Variants in TXLNB observed in about 807,000 individuals in gnomAD.
TXLNB encodes the protein beta-taxilin.
In TXLNB, 37 loss-of-function variants were observed where a neutral mutation model predicts 57.4. The observed-to-expected ratio is 0.64, with a 90% confidence interval of 0.50 to 0.85. The LOEUF (loss-of-function observed/expected upper bound fraction) is 0.85. TXLNB is among the 40% of genes least tolerant of loss of function. TXLNB has a pLI of 0.00. For missense variants in TXLNB, 848 were observed against 825.6 expected (o/e 1.03, Z -0.33); for synonymous variants, 302 against 309.6 (o/e 0.98, Z 0.26).
At chr6:139,231,967 C>G in the TXLNB span, among the ~76,000 whole-genome samples, 1 of 152,176 alleles carries the variant, frequency 6.6e-6, no homozygotes, top group African/African-American at 2.4e-5. Context: ...TTACAATAGT[C>G]TGACTGTGAG....
the TXLNB span, chr6:139,166,390 C>T: frequency 6.2e-7 from 1 of 1,614,228 alleles, no homozygotes; most frequent in Non-Finnish European, 8.5e-7. Context: ...GCCCCTGCAG[C>T]ACCTGGATGC....
chr6:139,302,768 G>A, the TXLNB span, among the ~76,000 whole-genome samples: 2 of 151,576 alleles, frequency 1.3e-5, no homozygotes, highest in Non-Finnish European at 2.9e-5. Flanking sequence ...TGGGCAACAA[G>A]AGTGAAACTA....
At chr6:139,237,223 C>A (rs1273776177), downstream of TXLNB, among the ~76,000 whole-genome samples, 1 of 151,760 alleles carries the variant, frequency 6.6e-6, no homozygotes, top group Admixed American at 6.6e-5. Flanking sequence ...GTATATTGGC[C>A]GGGTGCAGTG....
upstream of TXLNB, among the ~76,000 whole-genome samples, chr6:139,295,921 C>A (rs764176060): frequency 6.6e-6 from 1 of 152,142 alleles, no homozygotes; most frequent in East Asian, 1.9e-4. Context: ...TCCCAAACAG[C>A]GTAAGAGGCC....
At chr6:139,192,321 T>A in the TXLNB span, among the ~76,000 whole-genome samples, 2 of 152,210 alleles carry the variant, frequency 1.3e-5, no homozygotes, top group African/African-American at 4.8e-5. Flanking sequence ...TCTTTAAAGC[T>A]ATTAATCAAA....
At chr6:139,181,856 C>A in the TXLNB span, among the ~76,000 whole-genome samples, 3 of 152,130 alleles carry the variant, frequency 2.0e-5, no homozygotes, top group Non-Finnish European at 4.4e-5. Context: ...GACTTCTAAC[C>A]ATTTTGGTTT....
chr6:139,266,119 A>T (rs1776609088), intron 4 of TXLNB, among the ~76,000 whole-genome samples: 1 of 152,216 alleles, frequency 6.6e-6, no homozygotes, highest in Admixed American at 6.5e-5. Flanking sequence ...TAAAAAAATA[A>T]AAACTATTCA....
At chr6:139,250,013 GT>G (rs906275616) in intron 7 of TXLNB, among the ~76,000 whole-genome samples, 14 of 148,484 alleles carry the variant, frequency 9.4e-5, no homozygotes, top group Non-Finnish European at 1.3e-4. Context: ...GTTTACTGTG[GT>G]TTTTTTTTTC....
intron 5 of TXLNB, among the ~76,000 whole-genome samples, chr6:139,262,250 G>T (rs2114519231): frequency 6.6e-6 from 1 of 152,204 alleles, no homozygotes; most frequent in South Asian, 2.1e-4. Flanking sequence ...TTCTTAAGAG[G>T]GAGTGCGTGA....
In TXLNB at chr6:139,283,075, G is replaced by A. The variant is rs1011526367; in HGVS notation, c.424+5401C>T. 5.5e-5 allele frequency: 8 copies of A among 145,258 alleles called. 2 individuals are homozygous for A. The highest frequency in any genetic ancestry group is 1.8e-4 in the African/African-American group (7 of 39,382). The allele number at this position is 145,258 out of a possible 1,614,324, so 9.0% of individuals were successfully genotyped here. ...AACTTGGCATGGTGCCGCATAATGG[G>A]AAATCTGTTTTCATTTCTTTCATTT... On this transcript the variant is annotated intron_variant, in intron 2 of 9. Transcript: ENST00000358430.
intron 6 of TXLNB, among the ~76,000 whole-genome samples, chr6:139,257,638 C>G (rs1776378408): frequency 6.6e-6 from 1 of 152,050 alleles, no homozygotes; most frequent in Admixed American, 6.6e-5. Context: ...TCTGGCTAGT[C>G]AGTCTGGAGG....
At chr6:139,179,704 G>A in the TXLNB span, 1 of 152,098 alleles carries the variant, frequency 6.6e-6, no homozygotes, top group South Asian at 2.1e-4. Context: ...GAAATCTACT[G>A]ACCTTAATAC....
rs1242674822 is a variant in TXLNB at position 139,281,580 on chromosome 6, G to A, written c.425-4659C>T. ...TTTTTTTTTTTTGAGACGGAGTCTC[G>A]CTCTGTCGCCCAGGCTGGAGTGCAG... On this transcript the variant is annotated intron_variant, in intron 2 of 9. Coordinates refer to ENST00000358430, the MANE Select transcript of TXLNB (RefSeq NM_153235.4). 3.3e-3 allele frequency among the ~76,000 whole-genome samples: 260 copies of A among 77,728 alleles called. 40 individuals are homozygous for A. The highest frequency in any genetic ancestry group is 3.9e-3 in the Non-Finnish European group (194 of 49,298). The allele number at this position is 77,728 out of a possible 152,430, so 51.0% of individuals were successfully genotyped here.
chr6:139,253,433 T>A (rs1299330958), intron 7 of TXLNB, among the ~76,000 whole-genome samples: 1 of 152,188 alleles, frequency 6.6e-6, no homozygotes, highest in Non-Finnish European at 1.5e-5. Context: ...CGCTGAAAAG[T>A]CATAGGCCTC....
the TXLNB span, among the ~76,000 whole-genome samples, chr6:139,212,861 A>G: frequency 3.9e-5 from 6 of 152,346 alleles, no homozygotes; most frequent in African/African-American, 1.2e-4. Context: ...CTAAACCAAC[A>G]AAGATCAAAA....
the TXLNB span, among the ~76,000 whole-genome samples, chr6:139,321,461 A>G: frequency 2.0e-5 from 3 of 151,832 alleles, no homozygotes; most frequent in African/African-American, 7.3e-5. Context: ...GAACTATAAG[A>G]AGTACATTTC....
chr6:139,187,431 CTTT>C, the TXLNB span, among the ~76,000 whole-genome samples: 1 of 94,168 alleles, frequency 1.1e-5, no homozygotes, highest in Non-Finnish European at 2.5e-5. Context: ...AAATCTTTTG[CTTT>C]TTTTTCCCCA....
At chr6:139,301,559 C>G in the TXLNB span, among the ~76,000 whole-genome samples, 5 of 152,088 alleles carry the variant, frequency 3.3e-5, no homozygotes, top group Non-Finnish European at 7.4e-5. Flanking sequence ...AGAGTAAGCT[C>G]TTGAGATGGG....
At chr6:139,322,945 C>A in the TXLNB span, among the ~76,000 whole-genome samples, 273 of 152,328 alleles carry the variant, frequency 1.8e-3, no homozygotes, top group African/African-American at 6.1e-3. Flanking sequence ...TGAATAGTGG[C>A]TTCCCCAGGA....
Sources: allele counts gnomAD v4.1 joint callset (sites outside exome capture counted in the v4.1 genomes callset), GRCh38; gene constraint gnomAD v4.1.1; transcripts MANE v1.5; gene names NCBI Gene and HGNC (gene_info 2026-07-23, HGNC 2026-07-21).